NEBL: variants seen among roughly 807,000 people sequenced by gnomAD.
The protein encoded by NEBL is nebulette, also known as LIM and SH3 protein 2.
NEBL carries 122 observed loss-of-function variants against 140.2 expected under a neutral mutation model. That is an observed-to-expected ratio of 0.87 (90% CI 0.75 to 1.01). The LOEUF (loss-of-function observed/expected upper bound fraction) is 1.01. NEBL is among the 50% of genes least tolerant of loss of function. NEBL has a pLI of 0.00. For missense variants in NEBL, 1,365 were observed against 1,231.3 expected, an observed-to-expected ratio of 1.11 and a Z score of -1.62; for synonymous variants, 436 against 398.9, an observed-to-expected ratio of 1.09 and a Z score of -1.11.
chr10:21,033,585 C>T (rs930811366), intron 2 of NEBL, among the ~76,000 whole-genome samples: 2 of 151,826 alleles, frequency 1.3e-5, no homozygotes, highest in East Asian at 1.9e-4. Context: ...ACTAAACATA[C>T]AAAAATTAGC....
intron 2 of NEBL, among the ~76,000 whole-genome samples, chr10:21,124,797 T>C (rs377253471): frequency 2.0e-5 from 3 of 152,214 alleles, no homozygotes; most frequent in East Asian, 3.9e-4. Flanking sequence ...TTACCAAAAA[T>C]ACACGTTTTA....
rs192107495 is a variant in NEBL at position 21,214,472 on chromosome 10, C to A, written n.348+33449G>T. Reference sequence around the variant, plus strand: ...ACACATGGCACACACATGGCACACACATGCACACACACGCGCACATTACAC... The same window carrying A: ...ACACATGGCACACACATGGCACACAAATGCACACACACGCGCACATTACAC... On this transcript the variant is annotated intron_variant and non_coding_transcript_variant, in intron 3 of 8. Coordinates refer to the NEBL transcript ENST00000675702. 1.8e-3 allele frequency among the ~76,000 whole-genome samples: 275 copies of A among 151,588 alleles called. 2 individuals are homozygous for A. The highest frequency in any genetic ancestry group is 2.9e-3 in the Non-Finnish European group (197 of 67,848).
intron 3 of NEBL, among the ~76,000 whole-genome samples, chr10:21,217,595 G>A (rs746079976): frequency 1.8e-4 from 28 of 152,270 alleles, no homozygotes; most frequent in Middle Eastern, 3.4e-3. Flanking sequence ...TTCAAATCCA[G>A]GCTCTGCTAG....
chr10:20,961,173 A>C (rs1040055329), intron 4 of NEBL, among the ~76,000 whole-genome samples: 1 of 152,166 alleles, frequency 6.6e-6, no homozygotes, highest in Non-Finnish European at 1.5e-5. Context: ...TGAGGAAACT[A>C]TATTAATAAA....
intron 3 of NEBL, among the ~76,000 whole-genome samples, chr10:21,185,775 G>C (rs185522015): frequency 6.6e-6 from 1 of 152,090 alleles, no homozygotes; most frequent in South Asian, 2.1e-4. Flanking sequence ...TGGGATTACA[G>C]GCGTGACCCA....
intron 2 of NEBL, among the ~76,000 whole-genome samples, chr10:21,076,217 T>G (rs895523312): frequency 6.6e-6 from 1 of 150,708 alleles, no homozygotes; most frequent in Non-Finnish European, 1.5e-5. Context: ...CCGAGGAGGG[T>G]GGATCACCTG....
At chr10:20,871,495 C>T (rs1489796210) in intron 5 of NEBL, among the ~76,000 whole-genome samples, 1 of 152,146 alleles carries the variant, frequency 6.6e-6, no homozygotes, top group Non-Finnish European at 1.5e-5. Context: ...AATACATCAA[C>T]AGGCTCCCTG....
intron 18 of NEBL, 24 bp downstream of exon 18, chr10:20,826,423 T>C (rs1839873553): frequency 6.4e-7 from 1 of 1,561,532 alleles, no homozygotes; most frequent in Non-Finnish European, 8.8e-7. Flanking sequence ...TTAGAAAAGA[T>C]AATTAATGCT....
intron 2 of NEBL, among the ~76,000 whole-genome samples, chr10:21,155,337 T>C (rs1253960607): frequency 3.3e-5 from 5 of 152,232 alleles, no homozygotes; most frequent in South Asian, 2.1e-4. Context: ...TATTATTGAC[T>C]ATAATCACCT....
intron 4 of NEBL, among the ~76,000 whole-genome samples, chr10:20,926,279 AC>A (rs1833909353): frequency 6.6e-6 from 1 of 152,228 alleles, no homozygotes; most frequent in African/African-American, 2.4e-5. Flanking sequence ...TGCTGAAGTA[AC>A]CTGGTACCAC....
Position 21,160,868 on chromosome 10 carries a change from A to AGG in NEBL, c.164+11514_164+11515insCC, listed in dbSNP as rs1337428548. ...CATCAAACTTATTTCCAGGGGGAAA[A>AGG]AAAAAAAAAACATGATATGCAAGTA... On this transcript the variant is annotated intron_variant, in intron 2 of 6. Transcript: ENST00000417816. Among the ~76,000 whole-genome samples, 203 of 150,964 alleles carry AGG rather than the reference A, an allele frequency of 1.3e-3. 4 individuals carry two copies. The East Asian group carries it at 0.035, about 26-fold the overall frequency.
At chr10:21,198,997 T>C (rs1357087246) in intron 3 of NEBL, among the ~76,000 whole-genome samples, 1 of 151,690 alleles carries the variant, frequency 6.6e-6, no homozygotes, top group Non-Finnish European at 1.5e-5. Context: ...TATTTATTTT[T>C]ATTTTTATTT....
chr10:20,956,157 C>T (rs183302203), intron 4 of NEBL, among the ~76,000 whole-genome samples: 23 of 152,200 alleles, frequency 1.5e-4, no homozygotes, highest in East Asian at 7.7e-4. Context: ...GTAAGGGAAA[C>T]CACAGATTTG....
chr10:21,128,960 A>C (rs1838971562), intron 2 of NEBL, among the ~76,000 whole-genome samples: 1 of 152,186 alleles, frequency 6.6e-6, no homozygotes, highest in African/African-American at 2.4e-5. Flanking sequence ...GAAACAACAA[A>C]GTTTCAGAAA....
In NEBL at chr10:21,181,758, G is replaced by T. The variant is rs756769722; in HGVS notation, n.349-9281C>A. 1.1e-4 allele frequency among the ~76,000 whole-genome samples: 17 copies of T among 152,184 alleles called. 1 individual carries two copies. The highest frequency in any genetic ancestry group is 1.9e-4 in the Non-Finnish European group (13 of 68,030). Reference sequence around the variant, plus strand: ...CAATTTCCCTCTATAATGTTGGCTGGCCGTGACCACACGTGGGCCCTCCTG... The same window carrying T: ...CAATTTCCCTCTATAATGTTGGCTGTCCGTGACCACACGTGGGCCCTCCTG... On this transcript the variant is annotated intron_variant and non_coding_transcript_variant, in intron 3 of 8. Transcript: ENST00000675702.
intron 3 of NEBL, among the ~76,000 whole-genome samples, chr10:21,011,289 G>C (rs1446253219): frequency 6.6e-6 from 1 of 152,150 alleles, no homozygotes; most frequent in Non-Finnish European, 1.5e-5. Flanking sequence ...CAACAGGTCA[G>C]CAACTTATTT....
At chr10:21,178,891 G>A (rs1157621172), upstream of NEBL, among the ~76,000 whole-genome samples, 4 of 152,172 alleles carry the variant, frequency 2.6e-5, no homozygotes, top group South Asian at 6.2e-4. Flanking sequence ...TGAGTCTCTT[G>A]GGATAAAGGA....
chr10:20,831,255 C>A lies in NEBL; in HGVS notation c.1612G>T (p.Val538Leu), dbSNP rs75324054. ...AGGATATCTGGGATATCCATGCTCA[C>A]TTGCATTCCTTTCCCTTTAATTTCA... ...ENEIKGKGMQ[V>L]SMDIPDILRA... Residue 538 changes from valine (V) to leucine (L), a missense_variant, in exon 16 of 28, where the codon GTG becomes TTG. Physicochemically the swap from Val to Leu is conservative, Grantham distance 32. Transcript: ENST00000377122. 4.2e-5 allele frequency: 67 copies of A among 1,613,596 alleles called. 1 individual carries two copies. The East Asian group carries it at 1.4e-3, about 35-fold the overall frequency.
chr10:20,830,731 G>T (rs971836759), intron 16 of NEBL, among the ~76,000 whole-genome samples: 8 of 140,552 alleles, frequency 5.7e-5, no homozygotes, highest in Admixed American at 5.5e-4. Context: ...TGTCCAATAG[G>T]GTCAAAAAAA....
Sources: gnomAD v4.1 joint callset for allele counts (sites outside exome capture counted in the v4.1 genomes callset) on GRCh38, gnomAD v4.1.1 for gene constraint, MANE v1.5 for transcripts, NCBI Gene and HGNC (gene_info 2026-07-23, HGNC 2026-07-21) for gene names.